AGAP2: variants seen among roughly 807,000 people sequenced by gnomAD.
AGAP2 encodes ArfGAP with GTPase domain, ankyrin repeat and PH domain 2.
AGAP2 carries 32 observed loss-of-function variants against 110.9 expected under a neutral mutation model. That is an observed-to-expected ratio of 0.29 (90% CI 0.22 to 0.39). The LOEUF is 0.39. AGAP2 is among the 10% of genes least tolerant of loss of function. AGAP2 has a pLI of 1.00. For missense variants in AGAP2, 1,285 were observed against 1,638.5 expected (o/e 0.78, Z 3.72); for synonymous variants, 702 against 713.0 (o/e 0.98, Z 0.25).
chr12:57,737,871 C>T lies in AGAP2; in HGVS notation c.376G>A (p.Gly126Arg). 1 of 1,433,576 alleles carries T rather than the reference C, an allele frequency of 7.0e-7. No homozygotes were observed. Among genetic ancestry groups the T allele is most frequent in the Non-Finnish European group, 9.0e-7 (1 of 1,107,748 alleles). 88.8% of individuals were successfully genotyped at this position (1,433,576 alleles called of 1,614,324 possible). The stretch of plus-strand genomic sequence containing the variant: ...CCAGGCTTGGGGTCGGGGCTCAGTC[C>T]CCCGGAGAGCGGGGGTCCCGGAGGG... ...AVPPGPPLSG[G>R]LSPDPKPGGA... The change falls in exon 1 of 19, where the codon GGA becomes AGA. Residue 126 changes from glycine to arginine, a missense_variant. Around this residue, in one of 7 missense-constraint regions of AGAP2, gnomAD observed 844 missense variants for 941.2 expected, o/e 0.90. Transcript: ENST00000547588. The surrounding 1 kb of genome is among the most constrained non-coding windows in gnomAD (Gnocchi z 5.9).
chr12:57,725,029 AC>A (rs1420726623), downstream of AGAP2: 1 of 152,392 alleles, frequency 6.6e-6, no homozygotes, highest in Non-Finnish European at 1.5e-5. Flanking sequence ...CACTACATGA[AC>A]CCAGAACTGT....
rs1315796913 is a variant in AGAP2, at chr12:57,731,805, A to G, written c.1953+4T>C. 6.4e-7 allele frequency: 1 copy of G among 1,564,594 alleles called. No individual in the cohort carries two copies. The highest frequency in any genetic ancestry group is 2.3e-5 in the East Asian group (1 of 43,794). ...ATGGGGGTCAGCATGTCCATGTCCA[A>G]TACCGCAAAAAGGCTGGTCCTGCGC... On this transcript the variant is annotated splice_donor_region_variant and intron_variant, in intron 8 of 18. Coordinates refer to ENST00000547588, the MANE Select transcript of AGAP2 (RefSeq NM_001122772.3).
intron 7 of AGAP2, 125 bp from the exon 8 acceptor site, chr12:57,732,092 T>A: frequency 2.6e-6 from 3 of 1,137,938 alleles, no homozygotes; most frequent in Non-Finnish European, 3.6e-6. Flanking sequence ...ATGTTGTCAT[T>A]AATAATTTTT....
rs781698824 is a variant in AGAP2, at chr12:57,731,947, A to G, written c.1815T>C (p.Thr605=). The G allele has an allele frequency of 1.2e-6, 2 of 1,613,752 alleles. No individual in the cohort carries two copies. The highest frequency in any genetic ancestry group is 3.3e-5 in the Admixed American group (2 of 60,006). ...ACGGGAGGGAAGAAGAGTAGTCGCT[A>G]GTGTGGCCCCCGTTACTAGCCTGGG... ...VAGQASNGGH[T]SDYSSSLPSS... Residue 605 remains threonine (T), a synonymous_variant, in exon 8 of 19, where the codon ACT becomes ACC. Coordinates refer to ENST00000547588, the MANE Select transcript of AGAP2 (RefSeq NM_001122772.3).
In AGAP2 at chr12:57,730,627, G is replaced by A. The variant is rs1054553618; in HGVS notation, c.2309-13C>T. The A allele has an allele frequency of 6.2e-7, 1 of 1,611,088 alleles. No individual in the cohort carries two copies. The highest frequency in any genetic ancestry group is 8.5e-7 in the Non-Finnish European group (1 of 1,178,480). ...GGAGTAGTGGCTTCTGTCGGAAGAAGATGAAACCTCAGTGAGCCTCTTTCT... is the reference window on the plus strand; with the variant it reads ...GGAGTAGTGGCTTCTGTCGGAAGAAAATGAAACCTCAGTGAGCCTCTTTCT... On this transcript the variant is annotated splice_polypyrimidine_tract_variant and intron_variant, in intron 11 of 18. Transcript: ENST00000547588.
At chr12:57,741,479 A>G (rs117250739), upstream of AGAP2, among the ~76,000 whole-genome samples, 529 of 152,168 alleles carry the variant, frequency 3.5e-3, 11 homozygotes, top group East Asian at 0.052. Flanking sequence ...ATGTGTGTGC[A>G]TGTGTTTCTC....
rs367899652 is a variant in AGAP2 at position 57,732,561 on chromosome 12, C to A, written c.1685-49G>T. On this transcript the variant is annotated intron_variant, in intron 6 of 18. Coordinates refer to ENST00000547588, the MANE Select transcript of AGAP2 (RefSeq NM_001122772.3). ...GTGTGAGCAGGCCAGATACCCAAGA[C>A]CACCCTTCCATGCCCAGCTTTGAGA... The A allele has an allele frequency of 4.6e-5, 69 of 1,502,240 alleles. No individual in the cohort carries two copies. The African/African-American group carries it at 8.3e-4, about 18-fold the overall frequency. 93.1% of individuals were successfully genotyped at this position (1,502,240 alleles called of 1,614,324 possible).
Position 57,730,861 on chromosome 12 carries a change from G to T in AGAP2, c.2238C>A (p.Ala746=). Residue 746 remains alanine (A), a synonymous_variant, in exon 11 of 19, where the codon GCC becomes GCA. Transcript: ENST00000547588. The part of the protein sequence containing the change: ...PGKRPPRAIS[A]FGPSASINGL... ...CGTTAATGCTGGCTGAGGGGCCAAAGGCAGAGATGGCCCTCGGGGGCCGCT... is the reference window on the plus strand; with the variant it reads ...CGTTAATGCTGGCTGAGGGGCCAAATGCAGAGATGGCCCTCGGGGGCCGCT... 1 of 1,613,566 alleles carries T rather than the reference G, an allele frequency of 6.2e-7. No homozygotes were observed. The highest frequency in any genetic ancestry group is 2.2e-5 in the East Asian group (1 of 44,868).
chr12:57,730,257 G>A, intron 12 of AGAP2: 2 of 569,120 alleles, frequency 3.5e-6, no homozygotes, highest in Admixed American at 6.2e-5. Context: ...GAGGCACGGA[G>A]AGGTCAAGTA....
chr12:57,726,917 A>C lies in AGAP2; in HGVS notation c.3336+57T>G. ...TGGGAATTTCGGGCTTTCCCGCGCC[A>C]GGCGTTTTCCGAGATGAAGCCTCAA... On this transcript the variant is annotated intron_variant, in intron 18 of 18. Transcript: ENST00000547588. This position sits in a 1 kb window ranked among gnomAD's most constrained non-coding sequence, Gnocchi z 5.7. 1 of 1,496,954 alleles carries C rather than the reference A, an allele frequency of 6.7e-7. No homozygotes were observed. 92.7% of individuals were successfully genotyped at this position (1,496,954 alleles called of 1,614,324 possible).
upstream of AGAP2, chr12:57,739,912 T>C (rs558214321): frequency 6.6e-6 from 1 of 152,356 alleles, no homozygotes; most frequent in African/African-American, 2.4e-5. Context: ...AACCGTCTGC[T>C]CCGTGTCCCC....
intron 11 of AGAP2, 76 bp downstream of exon 11, chr12:57,730,714 GC>G: frequency 3.7e-6 from 6 of 1,608,308 alleles, no homozygotes; most frequent in Non-Finnish European, 5.1e-6. Context: ...CCCAGTGCCA[GC>G]CCCCTCTTCC....
chr12:57,728,394 A>G lies in AGAP2; in HGVS notation c.2558-17T>C. On this transcript the variant is annotated splice_polypyrimidine_tract_variant and intron_variant, in intron 13 of 18. Coordinates refer to ENST00000547588, the MANE Select transcript of AGAP2 (RefSeq NM_001122772.3). The stretch of plus-strand genomic sequence containing the variant: ...TGCGCTTGGCTGGTTTCCCGAAGCG[A>G]AGGAGATAGAGATAGAATGGAGAGC... 1.2e-6 allele frequency: 2 copies of G among 1,613,304 alleles called. No individual in the cohort carries two copies. The highest frequency in any genetic ancestry group is 2.2e-5 in the South Asian group (2 of 91,052).
At chr12:57,728,510 G>C in intron 13 of AGAP2, 133 bp from the exon 14 acceptor site, 1 of 924,774 alleles carries the variant, frequency 1.1e-6, no homozygotes, top group Non-Finnish European at 1.7e-6. Context: ...CAGAGACAAA[G>C]CAGGACAGAC....
rs746069482 is a variant in AGAP2, at chr12:57,727,912, C to G, written c.2766+25G>C. ...ACCAGGGTCAGTTCCTGCGGCCAGT[C>G]CTCCACTCCACCTCAAACTCTTACC... On this transcript the variant is annotated intron_variant, in intron 15 of 18. Coordinates refer to ENST00000547588, the MANE Select transcript of AGAP2 (RefSeq NM_001122772.3). 2.5e-6 allele frequency: 4 copies of G among 1,612,832 alleles called. No homozygotes were observed. In the Admixed American group the frequency reaches 5.0e-5, roughly 20 times the overall value.
chr12:57,737,753 C>G lies in AGAP2; in HGVS notation c.494G>C (p.Gly165Ala), dbSNP rs1158579611. The G allele has an allele frequency of 3.3e-6, 5 of 1,537,870 alleles. No homozygotes were observed. Among genetic ancestry groups the G allele is most frequent in the Middle Eastern group, 1.8e-4 (1 of 5,456 alleles). ...PEGRAGGGIP[G>A]SSSPHPGTGS... ...GGTGCCAGGGTGCGGAGAGGATGAG[C>G]CAGGGATGCCGCCGCCCGCCCGGCC... is the stretch of plus-strand genomic sequence containing the variant. Residue 165 changes from glycine (G) to alanine (A), a missense_variant, in exon 1 of 19, where the codon GGC (glycine) becomes GCC (alanine). Physicochemically the swap from Gly to Ala is moderately conservative, Grantham distance 60. Coordinates refer to ENST00000547588, the MANE Select transcript of AGAP2 (RefSeq NM_001122772.3). This position sits in a 1 kb window ranked among gnomAD's most constrained non-coding sequence, Gnocchi z 5.9.
chr12:57,737,421 A>C lies in AGAP2; in HGVS notation c.826T>G (p.Leu276Val). 6.2e-7 allele frequency: 1 copy of C among 1,613,720 alleles called. No homozygotes were observed. ...LSPRKGKSKT[L>V]DNSDLHPGPP... ...CCCGGATGCAAGTCACTGTTGTCCA[A>C]GGTCTTACTCTTGCCTTTCCGAGGG... Residue 276 changes from leucine to valine, a missense_variant, in exon 1 of 19, where the codon TTG becomes GTG. Leu to Val is a conservative substitution (Grantham distance 32). This residue lies in a region of AGAP2 where 844 missense variants were observed against 941.2 expected (regional missense o/e 0.90). Coordinates refer to ENST00000547588, the MANE Select transcript of AGAP2 (RefSeq NM_001122772.3). This position sits in a 1 kb window ranked among gnomAD's most constrained non-coding sequence, Gnocchi z 5.9.
intron 13 of AGAP2, among the ~76,000 whole-genome samples, chr12:57,728,840 G>A (rs1460031145): frequency 6.6e-6 from 1 of 152,150 alleles, no homozygotes; most frequent in East Asian, 1.9e-4. Flanking sequence ...GTCAAGGGCT[G>A]TTGGGGAGCA....
intron 10 of AGAP2, 114 bp from the exon 11 acceptor site, chr12:57,731,067 T>G: frequency 1.8e-6 from 2 of 1,121,704 alleles, no homozygotes; most frequent in African/African-American, 3.2e-5. Flanking sequence ...GGGGGCCAAA[T>G]GGGTTGTGAT....
Sources: gnomAD v4.1 joint callset for allele counts (sites outside exome capture counted in the v4.1 genomes callset) on GRCh38, gnomAD v4.1.1 for gene constraint, gnomAD v4.1.1 regional missense constraint, Gnocchi (gnomAD v3.1) non-coding constraint, MANE v1.5 for transcripts, NCBI Gene and HGNC (gene_info 2026-07-23, HGNC 2026-07-21) for gene names.